The following NPFFR1 variants were observed in gnomAD, a reference collection of about 807,000 sequenced individuals.
The protein encoded by NPFFR1 is G-protein coupled receptor 147.
NPFFR1 carries 17 observed loss-of-function variants against 12.7 expected under a neutral mutation model. The observed-to-expected ratio is 1.34, with a 90% CI of 0.92 to 2.01. NPFFR1 has a LOEUF of 2.01. NPFFR1 is among the 30% of genes most tolerant of loss of function. The pLI is 0.00. For missense variants in NPFFR1, 604 were observed against 606.5 expected, an observed-to-expected ratio of 1.00 and a Z score of 0.04; for synonymous variants, 296 against 264.5, an observed-to-expected ratio of 1.12 and a Z score of -1.16.
chr10:70,264,049 C>A (rs114540940), intron 2 of NPFFR1, among the ~76,000 whole-genome samples: 7 of 151,156 alleles, frequency 4.6e-5, no homozygotes, highest in African/African-American at 1.5e-4. Flanking sequence ...TCGTGCACTG[C>A]GCTCCAGCCT....
rs1469215443 is a variant in NPFFR1, at chr10:70,248,920, A to G, written c.*6037T>C. 1 of 152,234 alleles carries G rather than the reference A, an allele frequency of 6.6e-6. No individual in the cohort carries two copies. The highest frequency in any genetic ancestry group is 1.5e-5 in the Non-Finnish European group (1 of 68,062). 9.4% of individuals were successfully genotyped at this position (152,234 alleles called of 1,614,324 possible). Reference sequence around the variant, plus strand: ...CACTCCTCCCTTAGAACCTGTGTACATGATGCTCTCTCTGTCTGGGTTTGT... The same window carrying G: ...CACTCCTCCCTTAGAACCTGTGTACGTGATGCTCTCTCTGTCTGGGTTTGT... On this transcript the variant is annotated 3_prime_UTR_variant, in exon 4 of 4. Coordinates refer to ENST00000277942, the MANE Select transcript of NPFFR1 (RefSeq NM_022146.5).
chr10:70,256,029 G>A (rs567596752), intron 3 of NPFFR1, among the ~76,000 whole-genome samples: 52 of 152,044 alleles, frequency 3.4e-4, no homozygotes, highest in Non-Finnish European at 5.4e-4. Context: ...ACCGCAGATC[G>A]TGTGGGAACA....
chr10:70,281,073 A>G (rs1432873651), intron 1 of NPFFR1, among the ~76,000 whole-genome samples: 1 of 152,218 alleles, frequency 6.6e-6, no homozygotes, highest in Admixed American at 6.5e-5. Context: ...CAGAACCCTC[A>G]CATCCAGAGA....
chr10:70,261,597 TC>T (rs767585173), intron 2 of NPFFR1, among the ~76,000 whole-genome samples: 4 of 152,210 alleles, frequency 2.6e-5, no homozygotes, highest in African/African-American at 4.8e-5. Flanking sequence ...CTTTAGACCG[TC>T]CAGCCCTGCC....
chr10:70,279,527 T>G (rs1410381255), intron 1 of NPFFR1, among the ~76,000 whole-genome samples: 1 of 152,112 alleles, frequency 6.6e-6, no homozygotes, highest in Non-Finnish European at 1.5e-5. Context: ...TGGCACAATC[T>G]CAGCTCACTG....
chr10:70,265,782 C>T (rs1840683539), intron 2 of NPFFR1, among the ~76,000 whole-genome samples: 1 of 152,208 alleles, frequency 6.6e-6, no homozygotes, highest in Admixed American at 6.5e-5. Context: ...TTTCCTCTTC[C>T]ATAAAATGGG....
Sources: allele counts gnomAD v4.1 joint callset (sites outside exome capture counted in the v4.1 genomes callset), GRCh38; gene constraint gnomAD v4.1.1; transcripts MANE v1.5; gene names NCBI Gene and HGNC (gene_info 2026-07-23, HGNC 2026-07-21).